Variants in ADAMTSL1 observed in about 807,000 individuals in gnomAD.
ADAMTSL1 encodes the protein ADAMTS-like protein 1.
Under a neutral mutation model 201.8 loss-of-function variants are expected in ADAMTSL1, and 126 were observed. The ratio of observed to expected loss-of-function variants is 0.62; its 90% CI spans 0.54 to 0.72. The LOEUF (loss-of-function observed/expected upper bound fraction) is 0.72. ADAMTSL1 is among the 30% of genes least tolerant of loss of function. The probability of loss-of-function intolerance (pLI) is 0.00; values close to 1 mark genes in which losing one functional copy is unlikely to be tolerated. For synonymous variants in ADAMTSL1, 1,121 were observed against 903.4 expected (o/e 1.24, Z -4.32); for missense variants, 2,679 against 2,277.8 (o/e 1.18, Z -3.59).
rs748497594 is a variant in ADAMTSL1, at chr9:18,254,372, T to G, written c.207+90391T>G. On this transcript the variant is annotated intron_variant, in intron 2 of 29. Transcript: ENST00000680146. Reference sequence around the variant, plus strand: ...TTTTTTTTTTTTTTTTTTTTTTTTTTTTTTTTTTGAGATGGAATCTCGCTC... The same window carrying G: ...TTTTTTTTTTTTTTTTTTTTTTTTTGTTTTTTTTGAGATGGAATCTCGCTC... Among the ~76,000 whole-genome samples the G allele has an allele frequency of 6.8e-3, 810 of 119,640 alleles. 16 individuals carry two copies. Among genetic ancestry groups the G allele is most frequent in the Middle Eastern group, 0.031 (8 of 260 alleles). The allele number at this position is 119,640 out of a possible 152,430, so 78.5% of individuals were successfully genotyped here.
At chr9:18,300,650 G>A (rs968632888) in intron 2 of ADAMTSL1, among the ~76,000 whole-genome samples, 9 of 152,004 alleles carry the variant, frequency 5.9e-5, no homozygotes, top group African/African-American at 2.2e-4. Flanking sequence ...TTCTAAAGCC[G>A]CTCTTCATGA....
intron 2 of ADAMTSL1, among the ~76,000 whole-genome samples, chr9:18,523,083 C>T (rs1330328968): frequency 1.3e-5 from 2 of 152,130 alleles, no homozygotes; most frequent in Admixed American, 1.3e-4. Flanking sequence ...CCTATTTCTC[C>T]ACATCCTCTC....
At chr9:18,066,361 C>T (rs566748138) in intron 1 of ADAMTSL1, among the ~76,000 whole-genome samples, 2 of 152,140 alleles carry the variant, frequency 1.3e-5, no homozygotes, top group Admixed American at 1.3e-4. Context: ...AAGATAGTTA[C>T]AAATGTTTAT....
At chr9:18,613,227 G>A (rs1448458076) in intron 4 of ADAMTSL1, among the ~76,000 whole-genome samples, 1 of 152,142 alleles carries the variant, frequency 6.6e-6, no homozygotes, top group Non-Finnish European at 1.5e-5. Context: ...TGCTGGTAAG[G>A]TTGTGGAAAA....
chr9:18,606,860 C>G (rs1825051347), intron 4 of ADAMTSL1, among the ~76,000 whole-genome samples: 1 of 152,144 alleles, frequency 6.6e-6, no homozygotes, highest in South Asian at 2.1e-4. Context: ...AATGTAATTT[C>G]CCACTCTTCA....
At chr9:18,297,495 A>G (rs1028013541) in intron 2 of ADAMTSL1, among the ~76,000 whole-genome samples, 1 of 152,094 alleles carries the variant, frequency 6.6e-6, no homozygotes, top group Non-Finnish European at 1.5e-5. Flanking sequence ...ACTTATTATA[A>G]CTAGCCCCAA....
chr9:18,575,986 G>A (rs540198191), intron 4 of ADAMTSL1, among the ~76,000 whole-genome samples: 6 of 152,246 alleles, frequency 3.9e-5, no homozygotes, highest in African/African-American at 1.4e-4. Context: ...GCAACTGAAA[G>A]AGAATCCTAT....
At chr9:18,313,062 T>C (rs1195056875) in intron 2 of ADAMTSL1, among the ~76,000 whole-genome samples, 1 of 152,184 alleles carries the variant, frequency 6.6e-6, no homozygotes, top group African/African-American at 2.4e-5. Flanking sequence ...TAACCAGTGA[T>C]TCTCAAAGTT....
chr9:18,778,048 C>G (rs967152949), intron 19 of ADAMTSL1, 142 bp downstream of exon 19: 75 of 1,042,008 alleles, frequency 7.2e-5, no homozygotes, highest in Middle Eastern at 2.9e-4. Context: ...GGGGTGCAGG[C>G]CCTCTCTTAG....
intron 23 of ADAMTSL1, among the ~76,000 whole-genome samples, chr9:18,852,656 C>T (rs1048138055): frequency 7.2e-5 from 11 of 152,276 alleles, no homozygotes; most frequent in African/African-American, 1.2e-4. Flanking sequence ...AAAGGACTTT[C>T]GCCTACTAAG....
intron 4 of ADAMTSL1, among the ~76,000 whole-genome samples, chr9:18,584,863 C>T (rs1469302276): frequency 6.6e-6 from 1 of 152,178 alleles, no homozygotes; most frequent in Non-Finnish European, 1.5e-5. Context: ...CAAATGCCGG[C>T]ACCTGGATCA....
At chr9:17,938,932 G>C (rs1316252044) in intron 1 of ADAMTSL1, among the ~76,000 whole-genome samples, 1 of 152,088 alleles carries the variant, frequency 6.6e-6, no homozygotes, top group African/African-American at 2.4e-5. Context: ...GTTTTGACAA[G>C]TCATTAAGCA....
In ADAMTSL1 at chr9:17,973,645, T is replaced by A. The variant is rs568085646; in HGVS notation, c.87+66723T>A. Among the ~76,000 whole-genome samples, 366 of 111,758 alleles carry A rather than the reference T, an allele frequency of 3.3e-3. 1 individual carries two copies. Among genetic ancestry groups the A allele is most frequent in the African/African-American group, 0.011 (352 of 32,900 alleles). 73.3% of individuals were successfully genotyped at this position (111,758 alleles called of 152,430 possible). A position where few individuals can be genotyped will look rare whatever the true frequency, so the allele number is the denominator to read the frequency against. The stretch of plus-strand genomic sequence containing the variant: ...TTGCCTTAGGATTGACTTGGCAATG[T>A]GGGCTCTTTTTTGGTTCCATATGAA... On this transcript the variant is annotated intron_variant, in intron 1 of 29. Transcript: ENST00000680146.
intron 1 of ADAMTSL1, 80 bp downstream of exon 1, chr9:18,474,375 TTGTG>T (rs146877500): frequency 1.6e-5 from 22 of 1,340,526 alleles, no homozygotes; most frequent in Non-Finnish European, 2.0e-5. Flanking sequence ...GTATGTGTGT[TTGTG>T]TGTGTGTGTG....
At chr9:18,306,122 A>G (rs1230337273) in intron 2 of ADAMTSL1, among the ~76,000 whole-genome samples, 1 of 152,178 alleles carries the variant, frequency 6.6e-6, no homozygotes. Context: ...TAGGAAAACT[A>G]ACAAACAGAA....
At chr9:18,053,492 G>A (rs931771217) in intron 1 of ADAMTSL1, among the ~76,000 whole-genome samples, 2 of 152,100 alleles carry the variant, frequency 1.3e-5, no homozygotes, top group Non-Finnish European at 2.9e-5. Context: ...TAAAAACAAA[G>A]TCCATTTTCT....
At chr9:18,682,271 T>C (rs933622866) in intron 12 of ADAMTSL1, among the ~76,000 whole-genome samples, 2 of 152,210 alleles carry the variant, frequency 1.3e-5, no homozygotes, top group African/African-American at 4.8e-5. Context: ...TAGAAATATA[T>C]GTTTGATTTA....
intron 1 of ADAMTSL1, among the ~76,000 whole-genome samples, chr9:18,481,585 A>G (rs973256826): frequency 1.3e-5 from 2 of 151,830 alleles, no homozygotes; most frequent in African/African-American, 4.8e-5. Flanking sequence ...CAATTTCCCC[A>G]CAAGCTGGTT....
intron 2 of ADAMTSL1, among the ~76,000 whole-genome samples, chr9:18,422,887 TAAACTTG>T (rs1321504672): frequency 6.6e-6 from 1 of 152,232 alleles, no homozygotes. Flanking sequence ...GCAAGTGAGA[TAAACTTG>T]CCCTCTAACA....
Sources: gnomAD v4.1 joint callset for allele counts (sites outside exome capture counted in the v4.1 genomes callset) on GRCh38, gnomAD v4.1.1 for gene constraint, MANE v1.5 for transcripts, NCBI Gene and HGNC (gene_info 2026-07-23, HGNC 2026-07-21) for gene names.